AGBL1: variants seen among roughly 807,000 people sequenced by gnomAD.
AGBL1 encodes the protein cytosolic carboxypeptidase 4.
In AGBL1, 130 loss-of-function variants were observed where a neutral mutation model predicts 118.9. The observed-to-expected ratio is 1.09, with a 90% CI of 0.95 to 1.26. The LOEUF is 1.26. Among genes scored for constraint, AGBL1 ranks in the 50% most tolerant of loss-of-function variants. The pLI, the probability that AGBL1 is intolerant of heterozygous loss-of-function variation, is 0.00. For synonymous variants in AGBL1, 555 were observed against 478.9 expected, an observed-to-expected ratio of 1.16 and a Z score of -2.08; for missense variants, 1,584 against 1,298.1, an observed-to-expected ratio of 1.22 and a Z score of -3.38.
At chr15:86,141,071 A>C (rs2076956766) in intron 1 of AGBL1, among the ~76,000 whole-genome samples, 1 of 152,194 alleles carries the variant, frequency 6.6e-6, no homozygotes, top group African/African-American at 2.4e-5. Flanking sequence ...CAGTGCAAAG[A>C]GCGCTGGCCT....
chr15:86,409,082 C>G (rs934051157), intron 18 of AGBL1, among the ~76,000 whole-genome samples: 7 of 152,134 alleles, frequency 4.6e-5, no homozygotes, highest in African/African-American at 1.4e-4. Flanking sequence ...GCCTTAAATT[C>G]CTGCCTGGCA....
At chr15:86,784,526 G>C (rs1230476118) in intron 22 of AGBL1, among the ~76,000 whole-genome samples, 1 of 152,132 alleles carries the variant, frequency 6.6e-6, no homozygotes, top group Non-Finnish European at 1.5e-5. Flanking sequence ...TTGCCCTTGG[G>C]TTCATGATTC....
chr15:86,335,707 G>A (rs573185657), intron 17 of AGBL1, among the ~76,000 whole-genome samples: 16 of 152,246 alleles, frequency 1.1e-4, no homozygotes, highest in Middle Eastern at 3.4e-3. Context: ...GTAAAATAAG[G>A]TGTTGTTATA....
intron 9 of AGBL1, among the ~76,000 whole-genome samples, chr15:86,259,520 G>C (rs746167136): frequency 6.6e-6 from 1 of 152,078 alleles, no homozygotes; most frequent in South Asian, 2.1e-4. Flanking sequence ...AAAGAAAGAG[G>C]CTTTTGAGTT....
chr15:86,331,251 G>A (rs2080264436), intron 17 of AGBL1, among the ~76,000 whole-genome samples: 1 of 149,814 alleles, frequency 6.7e-6, no homozygotes, highest in African/African-American at 2.5e-5. Context: ...AACAAAGTCT[G>A]AGAAATATGG....
At chr15:86,883,938 G>A (rs920195748) in intron 22 of AGBL1, among the ~76,000 whole-genome samples, 1 of 152,056 alleles carries the variant, frequency 6.6e-6, no homozygotes, top group Non-Finnish European at 1.5e-5. Flanking sequence ...TAAGTTCTAC[G>A]ACCCCCCAGT....
chr15:86,827,482 T>C (rs1469733216), intron 22 of AGBL1, among the ~76,000 whole-genome samples: 1 of 8,204 alleles, frequency 1.2e-4, no homozygotes, highest in African/African-American at 8.5e-4. Flanking sequence ...TATATATATA[T>C]ATGTGTGTAT....
Position 86,907,344 on chromosome 15 carries a change from G to A in AGBL1, c.*50G>A, listed in dbSNP as rs1244995625. On this transcript the variant is annotated 3_prime_UTR_variant, in exon 23 of 23. Coordinates refer to ENST00000614907, the MANE Select transcript of AGBL1 (RefSeq NM_001386094.1). ...TGTCTCCAACCATTGGATTGGACTAGCAGCTGTGTTGCTGCTTCTTCATCA... is the reference window on the plus strand; with the variant it reads ...TGTCTCCAACCATTGGATTGGACTAACAGCTGTGTTGCTGCTTCTTCATCA... The A allele has an allele frequency of 6.6e-6, 1 of 152,234 alleles. No homozygotes were observed. The highest frequency in any genetic ancestry group is 1.9e-4 in the East Asian group (1 of 5,184). 9.4% of individuals were successfully genotyped at this position (152,234 alleles called of 1,614,324 possible).
intron 18 of AGBL1, among the ~76,000 whole-genome samples, chr15:86,511,601 C>A: frequency 6.6e-6 from 1 of 152,090 alleles, no homozygotes. Context: ...TTCTCATGTG[C>A]AAAATGGAAA....
chr15:86,376,229 G>T (rs575947697), intron 17 of AGBL1, among the ~76,000 whole-genome samples: 2 of 152,274 alleles, frequency 1.3e-5, no homozygotes, highest in Admixed American at 1.3e-4. Context: ...TGAGAAGAAG[G>T]TCAGTGTTAG....
chr15:86,591,113 C>A (rs78129388), intron 21 of AGBL1, among the ~76,000 whole-genome samples: 1 of 152,168 alleles, frequency 6.6e-6, no homozygotes, highest in Non-Finnish European at 1.5e-5. Context: ...TTAACCTTGA[C>A]GCTTAAAGGT....
chr15:86,476,397 A>C (rs968940335), intron 18 of AGBL1, among the ~76,000 whole-genome samples: 9 of 152,206 alleles, frequency 5.9e-5, no homozygotes, highest in African/African-American at 2.2e-4. Flanking sequence ...TCTACCAAGA[A>C]AATGGAAAAC....
chr15:86,441,291 C>CT (rs200686162), intron 18 of AGBL1, among the ~76,000 whole-genome samples: 5 of 152,196 alleles, frequency 3.3e-5, no homozygotes, highest in South Asian at 2.1e-4. Flanking sequence ...CCGAATCTTA[C>CT]TTTTTTTAAA....
intron 3 of AGBL1, among the ~76,000 whole-genome samples, chr15:86,144,097 A>T (rs2077001214): frequency 6.6e-6 from 1 of 152,156 alleles, no homozygotes. Context: ...CATGGATAAT[A>T]TGGGGGAAAG....
At chr15:86,865,573 A>C (rs1448698949) in intron 22 of AGBL1, among the ~76,000 whole-genome samples, 2 of 152,216 alleles carry the variant, frequency 1.3e-5, no homozygotes, top group Non-Finnish European at 2.9e-5. Flanking sequence ...AGTTTAGATA[A>C]ACCATGTTTC....
In AGBL1 at chr15:86,207,079, G is replaced by C. The variant is rs889453549; in HGVS notation, c.489-17835G>C. On this transcript the variant is annotated intron_variant, in intron 5 of 22. Transcript: ENST00000614907. The stretch of plus-strand genomic sequence containing the variant: ...TTATTAAATAGGGAATCCTTTCCCC[G>C]TTTCTTGTTTTTGTCAGGTTTGTCA... 3.3e-5 allele frequency among the ~76,000 whole-genome samples: 5 copies of C among 152,056 alleles called. No individual in the cohort carries two copies. The South Asian group carries it at 6.2e-4, about 19-fold the overall frequency.
intron 1 of AGBL1, among the ~76,000 whole-genome samples, chr15:86,137,563 T>A (rs966021587): frequency 6.6e-6 from 1 of 152,224 alleles, no homozygotes; most frequent in Non-Finnish European, 1.5e-5. Flanking sequence ...TACGGCAATG[T>A]CCAAACACAG....
intron 17 of AGBL1, among the ~76,000 whole-genome samples, chr15:86,345,346 C>G (rs1210998858): frequency 6.6e-6 from 1 of 152,106 alleles, no homozygotes; most frequent in African/African-American, 2.4e-5. Context: ...GTTTGTGGCA[C>G]CAATAGTGCA....
chr15:86,753,397 C>CTTTTTTTTTTTTTTTTTTT (rs1555446759), intron 22 of AGBL1, among the ~76,000 whole-genome samples: 2 of 111,298 alleles, frequency 1.8e-5, no homozygotes, highest in Non-Finnish European at 3.7e-5. Flanking sequence ...TTTTCTTTTT[C>CTTTTTTTTTTTTTTTTTTT]TTTTTTTTTT....
Sources: allele counts gnomAD v4.1 joint callset (sites outside exome capture counted in the v4.1 genomes callset), GRCh38; gene constraint gnomAD v4.1.1; transcripts MANE v1.5; gene names NCBI Gene and HGNC (gene_info 2026-07-23, HGNC 2026-07-21).